Variants in XIAP observed in about 807,000 individuals in gnomAD.
XIAP encodes X-linked inhibitor of apoptosis, also known as E3 ubiquitin-protein ligase XIAP.
XIAP carries 3 observed loss-of-function variants against 33.1 expected under a neutral mutation model. The ratio of observed to expected loss-of-function variants is 0.09; its 90% CI spans 0.04 to 0.23. XIAP has a LOEUF of 0.23. Among genes scored for constraint, XIAP ranks in the 10% least tolerant of loss-of-function variants. The pLI is 1.00. For synonymous variants in XIAP, 98 were observed against 121.3 expected, an observed-to-expected ratio of 0.81 and a Z score of 1.26; for missense variants, 264 against 363.0, an observed-to-expected ratio of 0.73 and a Z score of 2.22.
intron 5 of XIAP, among the ~76,000 whole-genome samples, chrX:123,898,858 C>T (rs1429104456): frequency 9.6e-6 from 1 of 104,536 alleles, no homozygotes; most frequent in African/African-American, 3.4e-5. Flanking sequence ...CAGTGGCTCA[C>T]GCCTGTAATC....
At position 123,908,952 on chromosome X, in the gene XIAP, G is replaced by C. The variant is rs1168309767; in HGVS notation, c.*1771G>C. ...TTTGTTGTACTTTCTAAGAGAAAGA[G>C]TATTGTTATGTTCTCCTAACTTCTG... is the stretch of plus-strand genomic sequence containing the variant. On this transcript the variant is annotated 3_prime_UTR_variant, in exon 7 of 7. Transcript: ENST00000371199. The C allele has an allele frequency of 2.0e-5, 7 of 343,288 alleles. No individual in the cohort carries two copies. The highest frequency in any genetic ancestry group is 3.9e-5 in the Non-Finnish European group (7 of 179,707). The allele number at this position is 343,288 out of a possible 1,213,427, so 28.3% of individuals were successfully genotyped here. A position where few individuals can be genotyped will look rare whatever the true frequency, so the allele number is the denominator to read the frequency against.
intron 6 of XIAP, among the ~76,000 whole-genome samples, chrX:123,906,567 T>C (rs2053556707): frequency 9.0e-6 from 1 of 111,490 alleles, no homozygotes; most frequent in South Asian, 3.7e-4. Context: ...TCGTGACCTT[T>C]CCATATGCTG....
At chrX:123,897,361 A>C (rs778245577) in intron 5 of XIAP, among the ~76,000 whole-genome samples, 13 of 111,713 alleles carry the variant, frequency 1.2e-4, no homozygotes, top group South Asian at 7.4e-4. Flanking sequence ...TTCTTCTAAG[A>C]GTTTTATGGT....
chrX:123,902,666 G>T (rs1226311991), intron 6 of XIAP, among the ~76,000 whole-genome samples: 2 of 110,821 alleles, frequency 1.8e-5, no homozygotes, highest in Non-Finnish European at 3.8e-5. Flanking sequence ...ATTATGTAGT[G>T]TAAGATAAAG....
rs1187245923 is a variant in XIAP at position 123,860,191 on chromosome X, G to C, written c.-135G>C. ...GGCTGGGGCCAAGCCGCAGAGCGGA[G>C]TTGGCATTTCCAGATTGGGGCTCGG... On this transcript the variant is annotated 5_prime_UTR_variant, in exon 1 of 7. Coordinates refer to ENST00000371199, the MANE Select transcript of XIAP (RefSeq NM_001167.4). 1 of 330,134 alleles carries C rather than the reference G, an allele frequency of 3.0e-6. No individual in the cohort carries two copies. Among genetic ancestry groups the C allele is most frequent in the East Asian group, 9.7e-5 (1 of 10,350 alleles). The allele number at this position is 330,134 out of a possible 1,213,427, so 27.2% of individuals were successfully genotyped here.
rs57436822 is a variant in XIAP at position 123,869,362 on chromosome X, C to CAAAAAAAAAAAAAAAAAAAAAA, written c.-33+9070_-33+9091dup. On this transcript the variant is annotated intron_variant, in intron 1 of 6. Coordinates refer to ENST00000371199, the MANE Select transcript of XIAP (RefSeq NM_001167.4). Reference sequence around the variant, plus strand: ...AAACCCCATCTCTACTAAAAAAATACAAAAAAAAAAAAAAAAAAAAAAGCT... The same window carrying CAAAAAAAAAAAAAAAAAAAAAA: ...AAACCCCATCTCTACTAAAAAAATACAAAAAAAAAAAAAAAAAAAAAAAAAAAAAAAAAAAAAAAAAAAAGCT... Among the ~76,000 whole-genome samples the CAAAAAAAAAAAAAAAAAAAAAA allele has an allele frequency of 3.3e-3, 97 of 29,717 alleles. 1 individual carries two copies. Among genetic ancestry groups the CAAAAAAAAAAAAAAAAAAAAAA allele is most frequent in the Non-Finnish European group, 3.9e-3 (69 of 17,841 alleles). The allele number at this position is 29,717 out of a possible 115,157, so 25.8% of individuals were successfully genotyped here. A position where few individuals can be genotyped will look rare whatever the true frequency, so the allele number is the denominator to read the frequency against.
In XIAP at chrX:123,899,144, A is replaced by AAAATAT. The variant is rs1186271285; in HGVS notation, c.1100-1348_1100-1347insAATATA. 6.0e-5 allele frequency among the ~76,000 whole-genome samples: 3 copies of AAAATAT among 50,184 alleles called. 1 individual carries two copies. Among genetic ancestry groups the AAAATAT allele is most frequent in the Non-Finnish European group, 1.1e-4 (3 of 28,386 alleles). 43.6% of individuals were successfully genotyped at this position (50,184 alleles called of 115,157 possible). A position where few individuals can be genotyped will look rare whatever the true frequency, so the allele number is the denominator to read the frequency against. ...CAAAAAAAAAAAAAAAAAAAAAAAAAATATATATATATATATATATATGAT... is the reference window on the plus strand; with the variant it reads ...CAAAAAAAAAAAAAAAAAAAAAAAAAAAATATATATATATATATATATATATATGAT... On this transcript the variant is annotated intron_variant, in intron 5 of 6. Transcript: ENST00000371199.
chrX:123,899,124 A>AG (rs2053487765), intron 5 of XIAP, among the ~76,000 whole-genome samples: 1 of 64,662 alleles, frequency 1.5e-5, no homozygotes, highest in Non-Finnish European at 2.8e-5. Flanking sequence ...CGTCTCAAAA[A>AG]AAAAAAAAAA....
At chrX:123,878,326 C>G (rs183775116) in intron 1 of XIAP, among the ~76,000 whole-genome samples, 2 of 111,626 alleles carry the variant, frequency 1.8e-5, no homozygotes, top group East Asian at 5.6e-4. Flanking sequence ...CAACTATCAC[C>G]ACAATCTAAT....
At chrX:123,897,218 G>A (rs1411165125) in intron 5 of XIAP, among the ~76,000 whole-genome samples, 2 of 111,755 alleles carry the variant, frequency 1.8e-5, no homozygotes, top group Non-Finnish European at 3.8e-5. Flanking sequence ...GTGAGCCACC[G>A]TGCCCAGCGA....
intron 1 of XIAP, among the ~76,000 whole-genome samples, chrX:123,885,369 A>G (rs2053342010): frequency 8.9e-6 from 1 of 112,060 alleles, no homozygotes; most frequent in Admixed American, 9.6e-5. Flanking sequence ...ATTTATGTAA[A>G]ATAAGCATTT....
At position 123,895,767 on chromosome X, in the gene XIAP, T is replaced by C. The variant is rs2053454291; in HGVS notation, c.1099+2994T>C. 5.5e-5 allele frequency among the ~76,000 whole-genome samples: 6 copies of C among 108,967 alleles called. No homozygotes were observed. In the Admixed American group the frequency reaches 5.9e-4, roughly 11 times the overall value. The allele number at this position is 108,967 out of a possible 115,157, so 94.6% of individuals were successfully genotyped here. A position where few individuals can be genotyped will look rare whatever the true frequency, so the allele number is the denominator to read the frequency against. On this transcript the variant is annotated intron_variant, in intron 5 of 6. Transcript: ENST00000371199. ...ACGTCTGTTCATCTCCTTTGACTTT[T>C]TTTTTTTTTTTTGAGACGGAGTCTT...
At chrX:123,887,452 ATTTAT>A (rs1349510381) in intron 2 of XIAP, among the ~76,000 whole-genome samples, 1 of 112,486 alleles carries the variant, frequency 8.9e-6, no homozygotes, top group Non-Finnish European at 1.9e-5. Context: ...TATTTGACCC[ATTTAT>A]TTTAAGATTG....
At chrX:123,869,962 ATT>A (rs67494680) in intron 1 of XIAP, among the ~76,000 whole-genome samples, 4 of 108,351 alleles carry the variant, frequency 3.7e-5, no homozygotes. Context: ...AAGAGGATTG[ATT>A]TTTTTTTTTA....
chrX:123,869,882 G>A (rs2053177672), intron 1 of XIAP, among the ~76,000 whole-genome samples: 2 of 112,750 alleles, frequency 1.8e-5, no homozygotes, highest in South Asian at 3.6e-4. Context: ...AGGTAACATC[G>A]TGAAAGAAGA....
intron 1 of XIAP, chrX:123,878,608 T>A (rs943612183): frequency 4.4e-5 from 5 of 113,959 alleles, no homozygotes; most frequent in African/African-American, 1.6e-4. Flanking sequence ...TTATGATAGT[T>A]CCATCTTCTA....
At chrX:123,864,707 G>T (rs749624992) in intron 1 of XIAP, among the ~76,000 whole-genome samples, 1 of 102,535 alleles carries the variant, frequency 9.8e-6, no homozygotes, top group East Asian at 3.1e-4. Flanking sequence ...GTGTCACCGT[G>T]TGTGTGTGTG....
At chrX:123,866,624 A>T (rs1333754323) in intron 1 of XIAP, among the ~76,000 whole-genome samples, 1 of 103,318 alleles carries the variant, frequency 9.7e-6, no homozygotes, top group East Asian at 2.9e-4. Flanking sequence ...ATAATACAAT[A>T]TATGTAAAAT....
chrX:123,864,564 T>G (rs1224312666), intron 1 of XIAP, among the ~76,000 whole-genome samples: 1 of 105,764 alleles, frequency 9.5e-6, no homozygotes, highest in Non-Finnish European at 1.9e-5. Context: ...CCTCCCGGCT[T>G]CACGCCATTC....
Sources: gnomAD v4.1 joint callset for allele counts (sites outside exome capture counted in the v4.1 genomes callset) on GRCh38, gnomAD v4.1.1 for gene constraint, MANE v1.5 for transcripts, NCBI Gene and HGNC (gene_info 2026-07-23, HGNC 2026-07-21) for gene names.